Variants in ZNF558 observed in about 807,000 individuals in gnomAD.
ZNF558 encodes zinc finger protein 558.
A neutral mutation model predicts 37.6 loss-of-function variants in ZNF558; 23 were observed. That is an observed-to-expected ratio of 0.61 (90% CI 0.44 to 0.87). The LOEUF is 0.87. Among genes scored for constraint, ZNF558 ranks in the 40% least tolerant of loss-of-function variants. The pLI is 0.00. For missense variants in ZNF558, 429 were observed against 483.7 expected (o/e 0.89, Z 1.06); for synonymous variants, 189 against 174.4 (o/e 1.08, Z -0.66).
At position 8,808,113 on chromosome 19, in the gene ZNF558, C is replaced by T. The variant is rs2043717884; in HGVS notation, c.*3168G>A. On this transcript the variant is annotated 3_prime_UTR_variant, in exon 10 of 10. Coordinates refer to ENST00000601372, the MANE Select transcript of ZNF558 (RefSeq NM_144693.3). Reference sequence around the variant, plus strand: ...TGACCATCAGGAGTTCGAGACTAGCCTGGCCAACATGGTGAAACCCCATCT... The same window carrying T: ...TGACCATCAGGAGTTCGAGACTAGCTTGGCCAACATGGTGAAACCCCATCT... The T allele has an allele frequency of 6.6e-6, 1 of 152,160 alleles. No individual in the cohort carries two copies. The highest frequency in any genetic ancestry group is 1.5e-5 in the Non-Finnish European group (1 of 68,046). The allele number at this position is 152,160 out of a possible 1,614,324, so 9.4% of individuals were successfully genotyped here.
At position 8,811,966 on chromosome 19, in the gene ZNF558, G is replaced by A. The variant is rs1555768329; in HGVS notation, c.524C>T (p.Thr175Ile). Residue 175 changes from threonine (T) to isoleucine (I), a missense_variant, in exon 10 of 10, where the codon ACT (threonine) becomes ATT (isoleucine). Coordinates refer to ENST00000601372, the MANE Select transcript of ZNF558 (RefSeq NM_144693.3). Reference protein sequence around the residue: ...SNLTQHKRIHTGEKPYDCSQC... With the variant: ...SNLTQHKRIHIGEKPYDCSQC... ...ACTACAGTCATAGGGTTTTTCTCCA[G>A]TATGAATTCTCTTGTGCTGAGTTAG... The A allele has an allele frequency of 1.2e-6, 2 of 1,614,096 alleles. No individual in the cohort carries two copies. The highest frequency in any genetic ancestry group is 2.2e-5 in the East Asian group (1 of 44,882).
At chr19:8,830,234 C>A (rs569690849) in intron 2 of ZNF558, among the ~76,000 whole-genome samples, 130 of 152,242 alleles carry the variant, frequency 8.5e-4, no homozygotes, top group African/African-American at 3.1e-3. Context: ...AGGCCTCCCC[C>A]GCCATGCAGA....
upstream of ZNF558, among the ~76,000 whole-genome samples, chr19:8,835,494 A>G (rs1043927203): frequency 1.3e-5 from 2 of 152,236 alleles, no homozygotes; most frequent in Non-Finnish European, 2.9e-5. Flanking sequence ...CTTCACACCC[A>G]TTGGGATAAT....
chr19:8,823,003 G>C (rs778479431), intron 4 of ZNF558: 3 of 323,110 alleles, frequency 9.3e-6, no homozygotes, highest in Admixed American at 7.8e-5. Context: ...CCATCCAAGC[G>C]CACCACAAAC....
intron 7 of ZNF558, among the ~76,000 whole-genome samples, chr19:8,819,529 G>C (rs2044028611): frequency 6.6e-6 from 1 of 152,126 alleles, no homozygotes; most frequent in Admixed American, 6.5e-5. Flanking sequence ...AAAATGAAAA[G>C]ACACCCAAAG....
chr19:8,811,034 C>A lies in ZNF558; in HGVS notation c.*247G>T. The A allele has an allele frequency of 2.4e-6, 1 of 416,814 alleles. No homozygotes were observed. The highest frequency in any genetic ancestry group is 4.3e-6 in the Non-Finnish European group (1 of 233,806). The allele number at this position is 416,814 out of a possible 1,614,324, so 25.8% of individuals were successfully genotyped here. A position where few individuals can be genotyped will look rare whatever the true frequency, so the allele number is the denominator to read the frequency against. ...AGATGTTAGATGACTATAGCTTTGG[C>A]TGACATCTTGATTGTAAGTAAAGGC... is the stretch of plus-strand genomic sequence containing the variant. On this transcript the variant is annotated 3_prime_UTR_variant, in exon 10 of 10. Coordinates refer to ENST00000601372, the MANE Select transcript of ZNF558 (RefSeq NM_144693.3).
chr19:8,819,590 G>A, intron 7 of ZNF558, among the ~76,000 whole-genome samples: 1 of 152,262 alleles, frequency 6.6e-6, no homozygotes, highest in Middle Eastern at 3.4e-3. Flanking sequence ...TTGGTACCCA[G>A]AATATAAAAT....
intron 7 of ZNF558, among the ~76,000 whole-genome samples, chr19:8,813,509 C>A (rs1369698578): frequency 6.6e-6 from 1 of 152,166 alleles, no homozygotes; most frequent in Non-Finnish European, 1.5e-5. Flanking sequence ...CAGGTGCACA[C>A]AACCACGCCC....
At position 8,808,082 on chromosome 19, in the gene ZNF558, A is replaced by C. The variant is rs1477320407; in HGVS notation, c.*3199T>G. ...CCTGATCTATGGGAAGTGCAATATA[A>C]ATGTCTGACCATCAGGAGTTCGAGA... On this transcript the variant is annotated 3_prime_UTR_variant, in exon 10 of 10. Coordinates refer to ENST00000601372, the MANE Select transcript of ZNF558 (RefSeq NM_144693.3). 6.6e-6 allele frequency: 1 copy of C among 152,160 alleles called. No individual in the cohort carries two copies. Among genetic ancestry groups the C allele is most frequent in the Non-Finnish European group, 1.5e-5 (1 of 68,046 alleles). The allele number at this position is 152,160 out of a possible 1,614,324, so 9.4% of individuals were successfully genotyped here.
chr19:8,833,650 G>A (rs1431439444), upstream of ZNF558: 4 of 152,284 alleles, frequency 2.6e-5, no homozygotes, highest in Non-Finnish European at 5.9e-5. Flanking sequence ...GAAATGGACA[G>A]TGAATGTGAT....
intron 4 of ZNF558, among the ~76,000 whole-genome samples, chr19:8,823,260 C>T (rs1455253289): frequency 6.6e-6 from 1 of 151,808 alleles, no homozygotes; most frequent in African/African-American, 2.4e-5. Context: ...TGAACCCAAC[C>T]TCCCTCCTCA....
At chr19:8,827,988 C>T (rs897930804) in intron 2 of ZNF558, among the ~76,000 whole-genome samples, 3 of 152,192 alleles carry the variant, frequency 2.0e-5, no homozygotes, top group Admixed American at 2.0e-4. Flanking sequence ...GACGGCAGTG[C>T]TCTCTTGGAC....
Position 8,827,276 on chromosome 19 carries a change from T to C in ZNF558, c.-508-2168A>G, listed in dbSNP as rs187961116. Among the ~76,000 whole-genome samples the C allele has an allele frequency of 2.5e-3, 378 of 152,362 alleles. 1 individual carries two copies. The highest frequency in any genetic ancestry group is 8.7e-3 in the African/African-American group (363 of 41,598). ...ATGGAAATGTTCTATAATTCTGCTC[T>C]AATACTTGAAATGTGACTAGTATGG... On this transcript the variant is annotated intron_variant, in intron 2 of 9. Transcript: ENST00000601372.
At chr19:8,815,488 G>GA (rs142953032) in intron 7 of ZNF558, among the ~76,000 whole-genome samples, 2,251 of 152,132 alleles carry the variant, frequency 0.015, 56 homozygotes, top group African/African-American at 0.052. Flanking sequence ...CTGAGGAGCA[G>GA]AAAAAAGAGA....
chr19:8,816,767 A>T (rs1013593415), intron 7 of ZNF558, among the ~76,000 whole-genome samples: 3 of 152,246 alleles, frequency 2.0e-5, no homozygotes, highest in Non-Finnish European at 2.9e-5. Flanking sequence ...AAAGTCACTG[A>T]CAATGTGTTT....
intron 7 of ZNF558, among the ~76,000 whole-genome samples, chr19:8,817,109 A>C (rs2043958216): frequency 6.6e-6 from 1 of 152,228 alleles, no homozygotes; most frequent in African/African-American, 2.4e-5. Context: ...AGGAACAAAA[A>C]TGATATGACA....
intron 7 of ZNF558, among the ~76,000 whole-genome samples, chr19:8,815,527 TC>T (rs1283638726): frequency 6.6e-6 from 1 of 152,072 alleles, no homozygotes; most frequent in East Asian, 1.9e-4. Flanking sequence ...TCATGTATAA[TC>T]CCAGCATTTT....
rs972937250 is a variant in ZNF558, at chr19:8,808,039, A to G, written c.*3242T>C. ...TAATGCATACTGAGTTAATACTTAT[A>G]TGTCATTTAGAAGGGGGCCTGATCT... is the stretch of plus-strand genomic sequence containing the variant. On this transcript the variant is annotated 3_prime_UTR_variant, in exon 10 of 10. Coordinates refer to ENST00000601372, the MANE Select transcript of ZNF558 (RefSeq NM_144693.3). 6.6e-6 allele frequency: 1 copy of G among 152,328 alleles called. No homozygotes were observed. Among genetic ancestry groups the G allele is most frequent in the South Asian group, 2.1e-4 (1 of 4,822 alleles). 9.4% of individuals were successfully genotyped at this position (152,328 alleles called of 1,614,324 possible).
chr19:8,834,665 CAA>C (rs1292240700), upstream of ZNF558, among the ~76,000 whole-genome samples: 1 of 132,512 alleles, frequency 7.5e-6, no homozygotes, highest in Non-Finnish European at 1.7e-5. Flanking sequence ...AACCAAGAAA[CAA>C]ACAAAAAACA....
Sources: allele counts gnomAD v4.1 joint callset (sites outside exome capture counted in the v4.1 genomes callset), GRCh38; gene constraint gnomAD v4.1.1; transcripts MANE v1.5; gene names NCBI Gene and HGNC (gene_info 2026-07-23, HGNC 2026-07-21).